Variants in AXIN2 observed in about 807,000 individuals in gnomAD.
AXIN2 encodes axin 2, also known as axin-2.
A neutral mutation model predicts 74.7 loss-of-function variants in AXIN2; 21 were observed. That is an observed-to-expected ratio of 0.28 (90% CI 0.20 to 0.40). The LOEUF (loss-of-function observed/expected upper bound fraction) is 0.40, where lower values mean the gene tolerates loss of function less well. Among genes scored for constraint, AXIN2 ranks in the 10% least tolerant of loss-of-function variants. The probability of loss-of-function intolerance (pLI) is 1.00; values close to 1 mark genes in which losing one functional copy is unlikely to be tolerated. For synonymous variants in AXIN2, 532 were observed against 454.9 expected (o/e 1.17, Z -2.16); for missense variants, 1,144 against 1,111.1 (o/e 1.03, Z -0.42).
rs772748458 is a variant in AXIN2 at position 65,538,203 on chromosome 17, C to T, written c.1200G>A (p.Glu400=). The T allele has an allele frequency of 5.0e-6, 8 of 1,614,244 alleles. No homozygotes were observed. The highest frequency in any genetic ancestry group is 1.3e-5 in the African/African-American group (1 of 75,082). The change falls in exon 5 of 11, where the codon GAG becomes GAA. Residue 400 remains glutamate, a splice_region_variant and synonymous_variant. Coordinates refer to ENST00000307078, the MANE Select transcript of AXIN2 (RefSeq NM_004655.4). ...AGGAAGAAGGCCTAGGCCGCATTAC[C>T]TCTCGGATCTGCTGCAGGCGCTCCT... is the stretch of plus-strand genomic sequence containing the variant. ...SLEERLQQIR[E]DEEREGSELT... is the part of the protein sequence containing the mutation.
At chr17:65,532,729 G>A (rs1452189734) in intron 10 of AXIN2, among the ~76,000 whole-genome samples, 1 of 152,246 alleles carries the variant, frequency 6.6e-6, no homozygotes, top group Non-Finnish European at 1.5e-5. Flanking sequence ...CCACCTGGCA[G>A]GTTACCAAGT....
At position 65,528,721 on chromosome 17, in the gene AXIN2, T is replaced by C. The variant is rs1306888046; in HGVS notation, c.*1255A>G. On this transcript the variant is annotated 3_prime_UTR_variant, in exon 11 of 11. Transcript: ENST00000307078. ...AAGTCATTGAGTACAAGACTTGTAA[T>C]AAAAAGGCATAAAATATATTTATAC... 4.0e-6 allele frequency: 2 copies of C among 503,630 alleles called. No homozygotes were observed. The highest frequency in any genetic ancestry group is 7.4e-6 in the Non-Finnish European group (2 of 268,596). 31.2% of individuals were successfully genotyped at this position (503,630 alleles called of 1,614,324 possible).
In AXIN2 at chr17:65,561,570, C is replaced by G. The variant is rs886053286; in HGVS notation, c.-237G>C. The G allele has an allele frequency of 3.3e-5, 5 of 151,430 alleles. No individual in the cohort carries two copies. Among genetic ancestry groups the G allele is most frequent in the Non-Finnish European group, 7.4e-5 (5 of 67,548 alleles). The allele number at this position is 151,430 out of a possible 1,614,324, so 9.4% of individuals were successfully genotyped here. A position where few individuals can be genotyped will look rare whatever the true frequency, so the allele number is the denominator to read the frequency against. On this transcript the variant is annotated 5_prime_UTR_variant, in exon 1 of 11. Transcript: ENST00000307078. The stretch of plus-strand genomic sequence containing the variant: ...TGTTACTGAGTTGCCAGGACCTTAT[C>G]AAAGCGCAGCCGGCTCCAGCCGACT...
At chr17:65,543,359 A>T (rs140473537) in intron 3 of AXIN2, among the ~76,000 whole-genome samples, 113 of 152,278 alleles carry the variant, frequency 7.4e-4, no homozygotes, top group African/African-American at 2.5e-3. Flanking sequence ...ATTATTTATC[A>T]AAACTCTGTG....
intron 4 of AXIN2, among the ~76,000 whole-genome samples, chr17:65,539,663 G>A (rs541282395): frequency 6.4e-4 from 98 of 152,230 alleles, no homozygotes; most frequent in Non-Finnish European, 5.7e-4. Context: ...TCTGTGTGAG[G>A]AGCTTTCAGA....
Position 65,529,862 on chromosome 17 carries a change from G to T in AXIN2, c.*114C>A. ...ACTGGCCGATTCTTCCTTAGACTTT[G>T]TCTTCTTCATTGGTTTAATTTTCCT... On this transcript the variant is annotated 3_prime_UTR_variant, in exon 11 of 11. Transcript: ENST00000307078. The T allele has an allele frequency of 1.3e-6, 2 of 1,572,884 alleles. No individual in the cohort carries two copies. The highest frequency in any genetic ancestry group is 1.7e-6 in the Non-Finnish European group (2 of 1,152,424).
rs907736066 is a variant in AXIN2, at chr17:65,529,295, G to C, written c.*681C>G. 1.7e-5 allele frequency: 4 copies of C among 235,730 alleles called. No individual in the cohort carries two copies. The highest frequency in any genetic ancestry group is 8.9e-5 in the African/African-American group (4 of 45,168). 14.6% of individuals were successfully genotyped at this position (235,730 alleles called of 1,614,324 possible). On this transcript the variant is annotated 3_prime_UTR_variant, in exon 11 of 11. Coordinates refer to ENST00000307078, the MANE Select transcript of AXIN2 (RefSeq NM_004655.4). ...CAACCCCCAAAATGTTGATGATGAC[G>C]CAACATGGTCAACCCTCAAGACCTT...
At chr17:65,546,461 C>T (rs1007079754) in intron 3 of AXIN2, among the ~76,000 whole-genome samples, 4 of 152,154 alleles carry the variant, frequency 2.6e-5, no homozygotes, top group Admixed American at 1.3e-4. Flanking sequence ...CACATTGCAT[C>T]GCCAAGTCTG....
chr17:65,553,345 G>C (rs1008454347), intron 2 of AXIN2, among the ~76,000 whole-genome samples: 1 of 152,052 alleles, frequency 6.6e-6, no homozygotes, highest in Non-Finnish European at 1.5e-5. Context: ...CACCAAAAAA[G>C]CCAAAACAGC....
At chr17:65,542,860 G>T (rs544694606) in intron 3 of AXIN2, among the ~76,000 whole-genome samples, 19 of 152,304 alleles carry the variant, frequency 1.2e-4, no homozygotes, top group African/African-American at 4.6e-4. Flanking sequence ...TTTCCCCAAT[G>T]TCTGGTTCAT....
intron 7 of AXIN2, 84 bp downstream of exon 7, chr17:65,536,785 A>C: frequency 6.4e-7 from 1 of 1,568,728 alleles, no homozygotes; most frequent in Non-Finnish European, 8.7e-7. Context: ...TATTCCGCGG[A>C]CTGCAAAAAC....
Position 65,536,344 on chromosome 17 carries a change from T to C in AXIN2, c.2117A>G (p.Glu706Gly), listed in dbSNP as rs1598096605. 3 of 1,612,754 alleles carry C rather than the reference T, an allele frequency of 1.9e-6. No homozygotes were observed. The highest frequency in any genetic ancestry group is 1.7e-6 in the Non-Finnish European group (2 of 1,179,754). Residue 706 changes from glutamate to glycine, a missense_variant, in exon 8 of 11, where the codon GAG (glutamate) becomes GGG (glycine). Physicochemically the swap from Glu to Gly is moderately conservative, Grantham distance 98 (BLOSUM62 -2). Transcript: ENST00000307078. The part of the protein sequence containing the change: ...QLEEACRRLA[E>G]VSKPPKQRCC... ...CCGCTGCTTTGGGGGCTTCGACACC[T>C]CAGCTAGCCTGCGACAGGCCTCCTC... is the stretch of plus-strand genomic sequence containing the variant.
chr17:65,554,937 G>A lies in AXIN2; in HGVS notation c.815+2869C>T, dbSNP rs183689424. Among the ~76,000 whole-genome samples the A allele has an allele frequency of 2.6e-5, 4 of 152,230 alleles. No individual in the cohort carries two copies. In the East Asian group the frequency reaches 7.7e-4, roughly 29 times the overall value. On this transcript the variant is annotated intron_variant, in intron 2 of 10. Coordinates refer to ENST00000307078, the MANE Select transcript of AXIN2 (RefSeq NM_004655.4). Reference sequence around the variant, plus strand: ...GTGCGTGTGTGTGTCTGTGTGCCGGGGATTTTACACGTGCTCCTACCAACA... The same window carrying A: ...GTGCGTGTGTGTGTCTGTGTGCCGGAGATTTTACACGTGCTCCTACCAACA...
At chr17:65,531,709 A>G (rs1238055455) in intron 10 of AXIN2, among the ~76,000 whole-genome samples, 1 of 151,956 alleles carries the variant, frequency 6.6e-6, no homozygotes, top group East Asian at 1.9e-4. Flanking sequence ...CTTCAAACAC[A>G]CTGCACTGCC....
intron 4 of AXIN2, 38 bp downstream of exon 4, chr17:65,541,417 C>A (rs1467177288): frequency 6.4e-7 from 1 of 1,558,036 alleles, no homozygotes; most frequent in East Asian, 2.2e-5. Flanking sequence ...CTCAACATGG[C>A]AGAAAACAGC....
chr17:65,544,095 T>A (rs945918711), intron 3 of AXIN2, among the ~76,000 whole-genome samples: 1 of 152,092 alleles, frequency 6.6e-6, no homozygotes. Flanking sequence ...AAGCACTCCA[T>A]GGACCCCACC....
chr17:65,537,942 G>A (rs1386977198), intron 5 of AXIN2, 107 bp from the exon 6 acceptor site: 3 of 1,441,018 alleles, frequency 2.1e-6, no homozygotes, highest in Non-Finnish European at 2.8e-6. Flanking sequence ...ACACCCGTGT[G>A]CACGCCCACA....
rs2043865731 is a variant in AXIN2, at chr17:65,533,963, C to G, written c.2354G>C (p.Ser785Thr). Reference sequence around the variant, plus strand: ...CTCTTTAAAGTGGCCCAGGGTCAAGCTCTGAGCCTTCAGCATCCTCCGGTA... The same window carrying G: ...CTCTTTAAAGTGGCCCAGGGTCAAGGTCTGAGCCTTCAGCATCCTCCGGTA... Reference protein sequence around the residue: ...IPYRRMLKAQSLTLGHFKEQL... With the variant: ...IPYRRMLKAQTLTLGHFKEQL... The change falls in exon 10 of 11, where the codon AGC becomes ACC. Residue 785 changes from serine (S) to threonine (T), a missense_variant. This residue lies in a region of AXIN2 where 65 missense variants were observed against 95.7 expected (regional missense o/e 0.68). Transcript: ENST00000307078. 6.2e-7 allele frequency: 1 copy of G among 1,614,196 alleles called. No homozygotes were observed. Among genetic ancestry groups the G allele is most frequent in the Non-Finnish European group, 8.5e-7 (1 of 1,180,026 alleles).
intron 10 of AXIN2, among the ~76,000 whole-genome samples, chr17:65,531,567 C>G (rs2043818094): frequency 6.6e-6 from 1 of 152,088 alleles, no homozygotes; most frequent in Non-Finnish European, 1.5e-5. Context: ...TTGGCCCCAG[C>G]TCCGACCCCT....
Sources: allele counts gnomAD v4.1 joint callset (sites outside exome capture counted in the v4.1 genomes callset), GRCh38; gene constraint gnomAD v4.1.1; regional missense constraint gnomAD v4.1.1; transcripts MANE v1.5; gene names NCBI Gene and HGNC (gene_info 2026-07-23, HGNC 2026-07-21).